ZNF423: variants seen among roughly 807,000 people sequenced by gnomAD.
ZNF423 encodes the protein zinc finger protein 423.
A neutral mutation model predicts 95.8 loss-of-function variants in ZNF423; 12 were observed. The ratio of observed to expected loss-of-function variants is 0.13; its 90% CI spans 0.08 to 0.20. The LOEUF (loss-of-function observed/expected upper bound fraction) is 0.20, where lower values mean the gene tolerates loss of function less well. Among genes scored for constraint, ZNF423 ranks in the 10% least tolerant of loss-of-function variants. The probability of loss-of-function intolerance (pLI) is 1.00; values close to 1 mark genes in which losing one functional copy is unlikely to be tolerated. For synonymous variants in ZNF423, 749 were observed against 711.9 expected (o/e 1.05, Z -0.83); for missense variants, 1,316 against 1,737.1 (o/e 0.76, Z 4.31).
At chr16:49,762,280 C>G (rs2033845975) in intron 2 of ZNF423, among the ~76,000 whole-genome samples, 1 of 152,198 alleles carries the variant, frequency 6.6e-6, no homozygotes, top group African/African-American at 2.4e-5. Context: ...TGCACGTCCC[C>G]CAGCGCCCCA....
At chr16:49,574,896 G>GC (rs1228232446) in intron 5 of ZNF423, among the ~76,000 whole-genome samples, 1 of 152,160 alleles carries the variant, frequency 6.6e-6, no homozygotes, top group African/African-American at 2.4e-5. Context: ...TTCAAAACAT[G>GC]CCAGCGGAGG....
Position 49,726,856 on chromosome 16 carries a change from C to CAAAAAAAAAA in ZNF423, c.301+3905_301+3914dup, listed in dbSNP as rs368675702. Among the ~76,000 whole-genome samples the CAAAAAAAAAA allele has an allele frequency of 2.1e-3, 200 of 94,742 alleles. 6 individuals carry two copies. Among genetic ancestry groups the CAAAAAAAAAA allele is most frequent in the Non-Finnish European group, 2.6e-3 (133 of 51,016 alleles). The allele number at this position is 94,742 out of a possible 152,430, so 62.2% of individuals were successfully genotyped here. A position where few individuals can be genotyped will look rare whatever the true frequency, so the allele number is the denominator to read the frequency against. Reference sequence around the variant, plus strand: ...ATTTAAAAGACAGAGTTCCCCCTAGCAAAAAAAAAAAAAAAAAAAAAAAAA... The same window carrying CAAAAAAAAAA: ...ATTTAAAAGACAGAGTTCCCCCTAGCAAAAAAAAAAAAAAAAAAAAAAAAAAAAAAAAAAA... On this transcript the variant is annotated intron_variant, in intron 3 of 7. Transcript: ENST00000563137.
At chr16:49,584,607 A>G (rs1970767757) in intron 5 of ZNF423, among the ~76,000 whole-genome samples, 1 of 152,138 alleles carries the variant, frequency 6.6e-6, no homozygotes, top group African/African-American at 2.4e-5. Context: ...TCAAGGTGGC[A>G]GTGTCAACAG....
chr16:49,854,432 A>T, intron 1 of ZNF423: 3 of 985,442 alleles, frequency 3.0e-6, no homozygotes, highest in Non-Finnish European at 3.6e-6. Flanking sequence ...CAAGGCTGGC[A>T]GGAAGGGAGC....
At chr16:49,508,154 T>C (rs2151674745) in intron 7 of ZNF423, among the ~76,000 whole-genome samples, 1 of 152,286 alleles carries the variant, frequency 6.6e-6, no homozygotes, top group African/African-American at 2.4e-5. Flanking sequence ...CTACCAGTGC[T>C]AAGAACAATG....
At chr16:49,512,951 C>T (rs1967958255) in intron 7 of ZNF423, among the ~76,000 whole-genome samples, 1 of 152,042 alleles carries the variant, frequency 6.6e-6, no homozygotes, top group Admixed American at 6.6e-5. Context: ...ACAAAATTAG[C>T]CAGGCATGGT....
At chr16:49,597,917 G>A (rs78008128) in intron 5 of ZNF423, among the ~76,000 whole-genome samples, 1,788 of 152,212 alleles carry the variant, frequency 0.012, 17 homozygotes, top group Admixed American at 0.031. Context: ...TGGAATATTT[G>A]GTAATCACAG....
At chr16:49,690,303 G>T (rs1432389380) in intron 3 of ZNF423, among the ~76,000 whole-genome samples, 1 of 152,224 alleles carries the variant, frequency 6.6e-6, no homozygotes, top group Admixed American at 6.5e-5. Flanking sequence ...GGCCGAGGCA[G>T]GAGGATCACT....
At chr16:49,793,546 C>A (rs2034449624) in intron 1 of ZNF423, among the ~76,000 whole-genome samples, 1 of 152,178 alleles carries the variant, frequency 6.6e-6, no homozygotes, top group Non-Finnish European at 1.5e-5. Flanking sequence ...AGATACACAC[C>A]CCACCCTACC....
intron 1 of ZNF423, among the ~76,000 whole-genome samples, chr16:49,796,887 C>CA (rs35001134): frequency 6.6e-6 from 1 of 152,166 alleles, no homozygotes; most frequent in African/African-American, 2.4e-5. Context: ...CCTCCACCCC[C>CA]AAAATAACTT....
chr16:49,638,174 G>A lies in ZNF423; in HGVS notation c.1002C>T (p.Pro334=), dbSNP rs1196117548. ...CTGAGGAGAACTGCTCAGGGCACAT[G>A]GGGCACTTGTGTTTCTGGTTGGCGT... ...QAHANQKHKC[P]MCPEQFSSVE... The change falls in exon 4 of 8, where the codon CCC becomes CCT. Residue 334 remains proline, a synonymous_variant. Coordinates refer to ENST00000563137, the MANE Select transcript of ZNF423 (RefSeq NM_001379286.1). The surrounding 1 kb of genome is among the most constrained non-coding windows in gnomAD (Gnocchi z 5.6). 4.4e-6 allele frequency: 7 copies of A among 1,609,028 alleles called. No individual in the cohort carries two copies. In the South Asian group the frequency reaches 7.7e-5, roughly 18 times the overall value.
chr16:49,566,946 C>T (rs1970212601), intron 5 of ZNF423, among the ~76,000 whole-genome samples: 1 of 152,100 alleles, frequency 6.6e-6, no homozygotes, highest in Non-Finnish European at 1.5e-5. Flanking sequence ...AAAATGAGAG[C>T]CATGTGTTCC....
At chr16:49,849,228 T>TCTA (rs1429438852) in intron 1 of ZNF423, among the ~76,000 whole-genome samples, 1 of 152,126 alleles carries the variant, frequency 6.6e-6, no homozygotes, top group African/African-American at 2.4e-5. Flanking sequence ...CTTCTACCCT[T>TCTA]CTACATGACG....
chr16:49,714,097 C>G (rs1220263064), intron 3 of ZNF423, among the ~76,000 whole-genome samples: 2 of 152,262 alleles, frequency 1.3e-5, no homozygotes, highest in Admixed American at 6.5e-5. Flanking sequence ...CCCAGCAGTG[C>G]TTCTCAAATC....
intron 2 of ZNF423, among the ~76,000 whole-genome samples, chr16:49,761,181 G>T (rs939411919): frequency 6.6e-6 from 1 of 152,158 alleles, no homozygotes; most frequent in African/African-American, 2.4e-5. Context: ...CAGCAATAAA[G>T]GGAGACAATG....
upstream of ZNF423, among the ~76,000 whole-genome samples, chr16:49,857,066 C>T (rs1358814327): frequency 6.6e-6 from 1 of 150,514 alleles, no homozygotes; most frequent in African/African-American, 2.4e-5. This position sits in a 1 kb window ranked among gnomAD's most constrained non-coding sequence, Gnocchi z 6.2. Flanking sequence ...CTCTCCTCCT[C>T]CCGATCCGGC....
At chr16:49,788,354 C>T (rs973463803) in intron 2 of ZNF423, among the ~76,000 whole-genome samples, 1 of 152,216 alleles carries the variant, frequency 6.6e-6, no homozygotes, top group Non-Finnish European at 1.5e-5. Context: ...TCAAGCTTCC[C>T]GCTGAGTCTC....
intron 5 of ZNF423, among the ~76,000 whole-genome samples, chr16:49,556,153 G>C (rs1388189787): frequency 6.6e-6 from 1 of 152,218 alleles, no homozygotes; most frequent in Admixed American, 6.5e-5. Flanking sequence ...ACTGTGGACA[G>C]TAGAGAATTT....
intron 2 of ZNF423, among the ~76,000 whole-genome samples, chr16:49,747,429 G>A (rs551239227): frequency 6.6e-6 from 1 of 152,196 alleles, no homozygotes; most frequent in South Asian, 2.1e-4. Flanking sequence ...CCATTTATAT[G>A]TATTTCCAGA....
Sources: gnomAD v4.1 joint callset for allele counts (sites outside exome capture counted in the v4.1 genomes callset) on GRCh38, gnomAD v4.1.1 for gene constraint, Gnocchi (gnomAD v3.1) non-coding constraint, MANE v1.5 for transcripts, NCBI Gene and HGNC (gene_info 2026-07-23, HGNC 2026-07-21) for gene names.